The following ITGA4 variants were observed in gnomAD, a reference collection of about 807,000 sequenced individuals.
ITGA4 encodes the protein integrin subunit alpha 4.
ITGA4 carries 63 observed loss-of-function variants against 133.6 expected under a neutral mutation model. The observed-to-expected ratio is 0.47, with a 90% CI of 0.38 to 0.58. The LOEUF (loss-of-function observed/expected upper bound fraction) is 0.58, where lower values mean the gene tolerates loss of function less well. ITGA4 is among the 20% of genes least tolerant of loss of function. The pLI is 0.00. For missense variants in ITGA4, 1,076 were observed against 1,252.7 expected (o/e 0.86, Z 2.13); for synonymous variants, 483 against 438.0 (o/e 1.10, Z -1.28).
intron 23 of ITGA4, 144 bp from the exon 24 acceptor site, chr2:181,530,380 T>G (rs1468365461): frequency 2.8e-6 from 2 of 710,562 alleles, no homozygotes; most frequent in Admixed American, 6.1e-5. Flanking sequence ...CACTCCCAAA[T>G]CTGTCAAAAA....
intron 2 of ITGA4, among the ~76,000 whole-genome samples, chr2:181,461,935 G>T (rs1232834170): frequency 2.6e-5 from 4 of 152,014 alleles, no homozygotes; most frequent in Non-Finnish European, 4.4e-5. Context: ...TAATTTTTAT[G>T]ATATATATTG....
chr2:181,476,364 A>G (rs1685676500), intron 4 of ITGA4: 1 of 152,238 alleles, frequency 6.6e-6, no homozygotes. Flanking sequence ...CTACAATTGT[A>G]AAATACAGGA....
At chr2:181,462,038 C>CT (rs1029213634) in intron 2 of ITGA4, among the ~76,000 whole-genome samples, 4 of 151,978 alleles carry the variant, frequency 2.6e-5, no homozygotes, top group African/African-American at 9.7e-5. Flanking sequence ...TTTATTTTTA[C>CT]TTTTTTCATG....
chr2:181,493,454 G>A (rs193071167), intron 11 of ITGA4, 35 bp downstream of exon 11: 61 of 1,296,996 alleles, frequency 4.7e-5, no homozygotes, highest in Non-Finnish European at 6.0e-5. Flanking sequence ...AGAAGCATTG[G>A]TTATAATGCA....
chr2:181,528,391 G>A (rs955988578), intron 22 of ITGA4, among the ~76,000 whole-genome samples: 2 of 152,174 alleles, frequency 1.3e-5, no homozygotes, highest in African/African-American at 4.8e-5. Flanking sequence ...CCGGACTCTA[G>A]AATGTTTATT....
chr2:181,473,776 G>T (rs553187688), intron 2 of ITGA4, among the ~76,000 whole-genome samples: 20 of 152,210 alleles, frequency 1.3e-4, no homozygotes, highest in African/African-American at 4.8e-4. Context: ...AGACCAGTAT[G>T]GGTAACATAG....
rs199727576 is a variant in ITGA4 at position 181,457,595 on chromosome 2, C to T, written c.-60C>T. The T allele has an allele frequency of 1.3e-6, 2 of 1,498,384 alleles. No individual in the cohort carries two copies. The highest frequency in any genetic ancestry group is 1.8e-6 in the Non-Finnish European group (2 of 1,100,176). The allele number at this position is 1,498,384 out of a possible 1,614,324, so 92.8% of individuals were successfully genotyped here. ...GTTCTTCCCCGTTGGCCAACCGTCG[C>T]ATCCCGTGCAACTTTGGGGTAGTGG... On this transcript the variant is annotated 5_prime_UTR_variant, in exon 1 of 28. Coordinates refer to ENST00000397033, the MANE Select transcript of ITGA4 (RefSeq NM_000885.6).
rs1687053013 is a variant in ITGA4 at position 181,535,624 on chromosome 2, ACTT to A, written c.*101_*103del. ...ACAAGAAAAAATGAATTTTGTTTGG[ACTT>A]CTTTTACTCATGATCTTGTGACATA... On this transcript the variant is annotated 3_prime_UTR_variant, in exon 28 of 28. Transcript: ENST00000397033. 2.8e-6 allele frequency: 4 copies of A among 1,422,588 alleles called. No individual in the cohort carries two copies. Among genetic ancestry groups the A allele is most frequent in the Non-Finnish European group, 3.8e-6 (4 of 1,065,602 alleles). 88.1% of individuals were successfully genotyped at this position (1,422,588 alleles called of 1,614,324 possible). A position where few individuals can be genotyped will look rare whatever the true frequency, so the allele number is the denominator to read the frequency against.
At chr2:181,493,929 T>C (rs1454398053) in intron 11 of ITGA4, among the ~76,000 whole-genome samples, 1 of 43,680 alleles carries the variant, frequency 2.3e-5, no homozygotes. Flanking sequence ...TTTCAGTGCC[T>C]AGAAAAAAAA....
intron 2 of ITGA4, among the ~76,000 whole-genome samples, chr2:181,473,548 T>C (rs1165866914): frequency 1.3e-5 from 2 of 152,234 alleles, no homozygotes; most frequent in Non-Finnish European, 2.9e-5. Flanking sequence ...ACTTCAGTTG[T>C]GATTAAAGGT....
intron 17 of ITGA4, among the ~76,000 whole-genome samples, chr2:181,518,474 TATAGTC>T (rs1686654384): frequency 6.6e-6 from 1 of 152,118 alleles, no homozygotes; most frequent in Admixed American, 6.6e-5. Context: ...AAGCTTCTAT[TATAGTC>T]AGAATAGTAC....
intron 9 of ITGA4, among the ~76,000 whole-genome samples, chr2:181,483,876 TC>T (rs1685858557): frequency 6.6e-6 from 1 of 152,168 alleles, no homozygotes. Context: ...AGAATCATTT[TC>T]CCCCATTGAA....
At chr2:181,498,501 A>G in intron 14 of ITGA4, 122 bp from the exon 15 acceptor site, 1 of 505,534 alleles carries the variant, frequency 2.0e-6, no homozygotes, top group Non-Finnish European at 3.4e-6. Context: ...AAAGCTGTTT[A>G]ATAAAGAGAA....
intron 9 of ITGA4, among the ~76,000 whole-genome samples, chr2:181,484,305 A>C (rs747469102): frequency 1.2e-4 from 19 of 152,182 alleles, no homozygotes; most frequent in Non-Finnish European, 2.4e-4. Context: ...TACTTGTACT[A>C]AAATAGCTCT....
At chr2:181,498,593 G>T in intron 14 of ITGA4, 30 bp from the exon 15 acceptor site, 2 of 1,412,804 alleles carry the variant, frequency 1.4e-6, no homozygotes, top group Non-Finnish European at 2.0e-6. Flanking sequence ...TCAGTAATTA[G>T]ATTAATTGCA....
chr2:181,464,122 G>A (rs902690414), intron 2 of ITGA4, among the ~76,000 whole-genome samples: 3 of 152,000 alleles, frequency 2.0e-5, no homozygotes, highest in Non-Finnish European at 4.4e-5. Flanking sequence ...AAGCCAAAGA[G>A]GTAGCAAGAA....
In ITGA4 at chr2:181,482,753, T is replaced by C. The variant is rs1039813811; in HGVS notation, c.1041+102T>C. The C allele has an allele frequency of 1.5e-5, 16 of 1,087,366 alleles. No homozygotes were observed. The Admixed American group carries it at 2.2e-4, about 15-fold the overall frequency. The allele number at this position is 1,087,366 out of a possible 1,614,324, so 67.4% of individuals were successfully genotyped here. A position where few individuals can be genotyped will look rare whatever the true frequency, so the allele number is the denominator to read the frequency against. On this transcript the variant is annotated intron_variant, in intron 9 of 27. Coordinates refer to ENST00000397033, the MANE Select transcript of ITGA4 (RefSeq NM_000885.6). Reference sequence around the variant, plus strand: ...TGAGATTGTTTTCAGGTTTCTTTTATTGACAAAAGTTAAAATTCTAATACT... The same window carrying C: ...TGAGATTGTTTTCAGGTTTCTTTTACTGACAAAAGTTAAAATTCTAATACT...
intron 2 of ITGA4, among the ~76,000 whole-genome samples, chr2:181,462,611 G>T (rs561177108): frequency 1.0e-3 from 156 of 152,250 alleles, no homozygotes; most frequent in African/African-American, 3.5e-3. Flanking sequence ...CTGAATGAAG[G>T]CTGTTATACA....
At chr2:181,509,143 A>C (rs1212358599) in intron 15 of ITGA4, among the ~76,000 whole-genome samples, 2 of 976 alleles carry the variant, frequency 2.0e-3, no homozygotes. Context: ...CTTAAAAAAA[A>C]AAAAAAAAAA....
Sources: allele counts gnomAD v4.1 joint callset (sites outside exome capture counted in the v4.1 genomes callset), GRCh38; gene constraint gnomAD v4.1.1; transcripts MANE v1.5; gene names NCBI Gene and HGNC (gene_info 2026-07-23, HGNC 2026-07-21).